The following PLIN3 variants were observed in gnomAD, a reference collection of about 807,000 sequenced individuals.
PLIN3 encodes the protein perilipin 3, also known as perilipin-3.
In PLIN3, 30 loss-of-function variants were observed where a neutral mutation model predicts 35.9. That is an observed-to-expected ratio of 0.84 (90% CI 0.62 to 1.13). The LOEUF (loss-of-function observed/expected upper bound fraction) is 1.13. Among genes scored for constraint, PLIN3 ranks in the 50% most tolerant of loss-of-function variants. PLIN3 has a pLI of 0.00. For synonymous variants in PLIN3, 261 were observed against 262.5 expected, an observed-to-expected ratio of 0.99 and a Z score of 0.06; for missense variants, 603 against 596.9, an observed-to-expected ratio of 1.01 and a Z score of -0.11.
chr19:4,839,993 A>G (rs2029873465), intron 7 of PLIN3, among the ~76,000 whole-genome samples: 1 of 118,986 alleles, frequency 8.4e-6, no homozygotes, highest in African/African-American at 3.4e-5. Context: ...TTTGAGATAG[A>G]GTCTTGCTCT....
chr19:4,845,689 C>G (rs2030064500), intron 6 of PLIN3, among the ~76,000 whole-genome samples: 1 of 152,006 alleles, frequency 6.6e-6, no homozygotes, highest in Admixed American at 6.6e-5. Context: ...CTTTGGGAGG[C>G]CGAGGCGGGT....
In PLIN3 at chr19:4,859,732, G is replaced by C. The variant is rs2030603393; in HGVS notation, c.266-60C>G. The C allele has an allele frequency of 4.4e-6, 7 of 1,602,454 alleles. No individual in the cohort carries two copies. The Admixed American group carries it at 1.2e-4, about 27-fold the overall frequency. On this transcript the variant is annotated intron_variant, in intron 3 of 7. Transcript: ENST00000221957. ...TGGAAGGTCACCTAGTAATGGTTCA[G>C]GGGGACAGGACCAAGAGCTGGGTAG...
Position 4,852,030 on chromosome 19 carries a change from G to GT in PLIN3, c.619dup (p.Thr207AsnfsTer16), listed in dbSNP as rs766835306. On this transcript the variant is annotated frameshift_variant, in exon 5 of 8. Transcript: ENST00000221957. LOFTEE classifies it high-confidence loss of function. ...GCCACACTTACCCAGTTCGGCATCC[G>GT]TAAGGGGCAGGTGGTTGTCCGCCCA... The GT allele has an allele frequency of 6.4e-5, 103 of 1,613,438 alleles. No individual in the cohort carries two copies. Among genetic ancestry groups the GT allele is most frequent in the Non-Finnish European group, 7.9e-5 (93 of 1,179,820 alleles).
intron 4 of PLIN3, among the ~76,000 whole-genome samples, chr19:4,858,887 A>G (rs2089196): frequency 0.48 from 72,742 of 150,612 alleles, 17,903 homozygotes; most frequent in African/African-American, 0.52. Flanking sequence ...TTTTTAGTAG[A>G]GACGGGGTTT....
chr19:4,852,153 TTTGTC>T lies in PLIN3; in HGVS notation c.492_496del (p.Thr165ValfsTer56). 1 of 1,614,010 alleles carries T rather than the reference TTTGTC, an allele frequency of 6.2e-7. No homozygotes were observed. The highest frequency in any genetic ancestry group is 8.5e-7 in the Non-Finnish European group (1 of 1,179,978). On this transcript the variant is annotated frameshift_variant, in exon 5 of 8. Transcript: ENST00000221957. LOFTEE classifies it high-confidence loss of function. ...TTGGACGCCGCCGGTCACTACGGAC[TTTGTC>T]TTGTCCACGCCGCTCTGCACAGCAC...
At chr19:4,851,855 G>A (rs931203727) in intron 5 of PLIN3, among the ~76,000 whole-genome samples, 161 bp downstream of exon 5, 3 of 152,174 alleles carry the variant, frequency 2.0e-5, no homozygotes, top group African/African-American at 7.2e-5. Context: ...TGGTGAGCAG[G>A]ACAGAGGGGA....
At chr19:4,852,494 G>A (rs557267983) in intron 4 of PLIN3, among the ~76,000 whole-genome samples, 193 bp from the exon 5 acceptor site, 4 of 152,218 alleles carry the variant, frequency 2.6e-5, no homozygotes, top group Non-Finnish European at 4.4e-5. Context: ...GGCAGGGAGC[G>A]CCATCCCCCA....
intron 1 of PLIN3, among the ~76,000 whole-genome samples, chr19:4,862,843 C>T (rs1395837697): frequency 2.0e-5 from 3 of 152,142 alleles, no homozygotes; most frequent in Non-Finnish European, 4.4e-5. Flanking sequence ...AACCTGGATG[C>T]CCAGCAAAAG....
chr19:4,854,314 T>C (rs140706131), intron 4 of PLIN3, among the ~76,000 whole-genome samples: 41 of 152,246 alleles, frequency 2.7e-4, no homozygotes, highest in Middle Eastern at 3.4e-3. Context: ...CCTACCCAAG[T>C]TGGTGCTTCC....
At chr19:4,855,450 C>A (rs1345369928) in intron 4 of PLIN3, among the ~76,000 whole-genome samples, 1 of 151,998 alleles carries the variant, frequency 6.6e-6, no homozygotes, top group Non-Finnish European at 1.5e-5. Context: ...GTAAGCTCAG[C>A]AGTTTCCATC....
At position 4,839,120 on chromosome 19, in the gene PLIN3, A is replaced by G. The variant is rs1366183986; in HGVS notation, c.*72T>C. 27 of 1,235,696 alleles carry G rather than the reference A, an allele frequency of 2.2e-5. 1 individual carries two copies. Among genetic ancestry groups the G allele is most frequent in the Non-Finnish European group, 2.8e-5 (25 of 882,730 alleles). The allele number at this position is 1,235,696 out of a possible 1,614,324, so 76.5% of individuals were successfully genotyped here. On this transcript the variant is annotated 3_prime_UTR_variant, in exon 8 of 8. Transcript: ENST00000221957. ...GTGGCTAGAAAATAAGTTTGAAATG[A>G]GCCCCGGGTTGAGGACTCCAGAGCA...
At chr19:4,852,813 T>G (rs1416887412) in intron 4 of PLIN3, among the ~76,000 whole-genome samples, 1 of 151,874 alleles carries the variant, frequency 6.6e-6, no homozygotes, top group Non-Finnish European at 1.5e-5. Flanking sequence ...GCTAATTGTT[T>G]TTTGTTGTTG....
At chr19:4,855,817 G>C (rs1157533349) in intron 4 of PLIN3, among the ~76,000 whole-genome samples, 1 of 151,858 alleles carries the variant, frequency 6.6e-6, no homozygotes. Flanking sequence ...CAGCTTCTCA[G>C]GAGGCTGAGA....
In PLIN3 at chr19:4,852,280, G is replaced by A; in HGVS notation, c.370C>T (p.Leu124Phe). 6.2e-7 allele frequency: 1 copy of A among 1,603,632 alleles called. No individual in the cohort carries two copies. The highest frequency in any genetic ancestry group is 1.7e-4 in the Middle Eastern group (1 of 6,060). Residue 124 changes from leucine to phenylalanine, a missense_variant, in exon 5 of 8, where the codon CTT becomes TTT. Coordinates refer to ENST00000221957, the MANE Select transcript of PLIN3 (RefSeq NM_005817.5). ...GCCCCCGACACCTTAGACGACACAA[G>A]CTCCTTGGTGTCCGCCAGGACCTAG... The part of the protein sequence containing the change: ...TEKVLADTKE[L>F]VSSKVSGAQE...
chr19:4,866,136 G>A (rs184532345), intron 1 of PLIN3, among the ~76,000 whole-genome samples: 3 of 151,548 alleles, frequency 2.0e-5, no homozygotes, highest in African/African-American at 7.3e-5. Context: ...TCCTGCCTCA[G>A]CCTCCAGAGT....
Position 4,839,376 on chromosome 19 carries a change from G to A in PLIN3, c.1121C>T (p.Ser374Phe). 1 of 1,613,458 alleles carries A rather than the reference G, an allele frequency of 6.2e-7. No individual in the cohort carries two copies. ...CAGGTCCTGGAAGGAGTGGATGCTG[G>A]AAAACGTGGCCTGGAGGTCCTCCAC... is the stretch of plus-strand genomic sequence containing the variant. ...RQVEDLQATF[S>F]SIHSFQDLSS... The change falls in exon 8 of 8, where the codon TCC becomes TTC. Residue 374 changes from serine to phenylalanine, a missense_variant. Ser to Phe is a radical substitution (Grantham distance 155). Coordinates refer to ENST00000221957, the MANE Select transcript of PLIN3 (RefSeq NM_005817.5).
intron 4 of PLIN3, 152 bp downstream of exon 4, chr19:4,859,438 T>A (rs1599173202): frequency 1.4e-6 from 1 of 691,584 alleles, no homozygotes; most frequent in Admixed American, 2.2e-5. Context: ...CCAGCTACCC[T>A]GTGGGGAGTG....
At chr19:4,856,043 T>C (rs2030464195) in intron 4 of PLIN3, among the ~76,000 whole-genome samples, 1 of 151,944 alleles carries the variant, frequency 6.6e-6, no homozygotes, top group African/African-American at 2.4e-5. Context: ...CTCCCCGGCA[T>C]ACAGTAGGCA....
At chr19:4,844,384 C>T (rs1347021210) in intron 7 of PLIN3, among the ~76,000 whole-genome samples, 3 of 151,928 alleles carry the variant, frequency 2.0e-5, no homozygotes, top group South Asian at 2.1e-4. Context: ...GAGAATCACT[C>T]GAACCCAGGA....
Sources: allele counts gnomAD v4.1 joint callset (sites outside exome capture counted in the v4.1 genomes callset), GRCh38; gene constraint gnomAD v4.1.1; transcripts MANE v1.5; gene names NCBI Gene and HGNC (gene_info 2026-07-23, HGNC 2026-07-21).